NRXN1: variants seen among roughly 807,000 people sequenced by gnomAD.
NRXN1 encodes neurexin 1, also known as neurexin-1.
In NRXN1, 39 loss-of-function variants were observed where a neutral mutation model predicts 150.9. That is an observed-to-expected ratio of 0.26 (90% CI 0.20 to 0.34). The LOEUF (loss-of-function observed/expected upper bound fraction) is 0.34, where lower values mean the gene tolerates loss of function less well. Ranked by LOEUF, NRXN1 falls within the 10% of genes least tolerant of loss-of-function variation. NRXN1 has a pLI of 1.00. For missense variants in NRXN1, 1,815 were observed against 1,949.9 expected (o/e 0.93, Z 1.30); for synonymous variants, 924 against 757.0 (o/e 1.22, Z -3.62).
At chr2:50,666,633 G>A (rs1036094063) in intron 5 of NRXN1, among the ~76,000 whole-genome samples, 3 of 151,734 alleles carry the variant, frequency 2.0e-5, no homozygotes, top group Non-Finnish European at 4.4e-5. Context: ...TTGCTTCATG[G>A]GAATAAATGA....
Position 51,028,322 on chromosome 2 carries a change from A to G in NRXN1, c.-49T>C. Reference sequence around the variant, plus strand: ...GGGGTGCCGGGGCCGACAGGGTCAAAATGGTCCTGGACACCGTGACGAAGA... The same window carrying G: ...GGGGTGCCGGGGCCGACAGGGTCAAGATGGTCCTGGACACCGTGACGAAGA... On this transcript the variant is annotated 5_prime_UTR_variant, in exon 2 of 23. Transcript: ENST00000401669. The G allele has an allele frequency of 2.3e-6, 3 of 1,306,026 alleles. No individual in the cohort carries two copies. Among genetic ancestry groups the G allele is most frequent in the Non-Finnish European group, 3.0e-6 (3 of 987,946 alleles). 80.9% of individuals were successfully genotyped at this position (1,306,026 alleles called of 1,614,324 possible).
rs115694593 is a variant in NRXN1 at position 50,367,689 on chromosome 2, G to C, written c.3364+97753C>G. ...ACATGCAGAAATGGCCCTGCAAATGGAATCTAACTGGAGCTGAATGAGTAT... is the reference window on the plus strand; with the variant it reads ...ACATGCAGAAATGGCCCTGCAAATGCAATCTAACTGGAGCTGAATGAGTAT... On this transcript the variant is annotated intron_variant, in intron 17 of 22. Coordinates refer to ENST00000401669, the MANE Select transcript of NRXN1 (RefSeq NM_001330078.2). 3.7e-3 allele frequency among the ~76,000 whole-genome samples: 559 copies of C among 152,038 alleles called. 5 individuals carry two copies. The highest frequency in any genetic ancestry group is 0.013 in the African/African-American group (519 of 41,502).
intron 18 of NRXN1, among the ~76,000 whole-genome samples, chr2:50,121,523 A>G (rs1049284245): frequency 3.3e-5 from 5 of 152,212 alleles, no homozygotes; most frequent in South Asian, 4.1e-4. Context: ...TCCATTTTAT[A>G]TAAGGGACTT....
Position 50,851,783 on chromosome 2 carries a change from A to G in NRXN1, c.832+70086T>C, listed in dbSNP as rs181364884. Among the ~76,000 whole-genome samples, 555 of 152,310 alleles carry G rather than the reference A, an allele frequency of 3.6e-3. 2 individuals carry two copies. The highest frequency in any genetic ancestry group is 6.5e-3 in the Non-Finnish European group (439 of 68,026). On this transcript the variant is annotated intron_variant, in intron 5 of 22. Coordinates refer to ENST00000401669, the MANE Select transcript of NRXN1 (RefSeq NM_001330078.2). ...AAAAACATGGCTGCCCAAGGTTCTC[A>G]TCGGCTTTTCTGTCCCTTCATCAGG...
chr2:50,073,940 G>A (rs1433669809), intron 19 of NRXN1, among the ~76,000 whole-genome samples: 1 of 152,082 alleles, frequency 6.6e-6, no homozygotes, highest in Non-Finnish European at 1.5e-5. Context: ...TGCCAAAGGA[G>A]GTCAGTGCAA....
chr2:50,347,311 TG>T lies in NRXN1; in HGVS notation c.3365-110342del. Reference sequence around the variant, plus strand: ...TCGGGCGAGAGTGCGTGCCGGCGGGTGGGGGGCCGAGAAATTGTTTAAAGCT... The same window carrying T: ...TCGGGCGAGAGTGCGTGCCGGCGGGTGGGGGCCGAGAAATTGTTTAAAGCT... On this transcript the variant is annotated intron_variant, in intron 17 of 22. Transcript: ENST00000401669. This position sits in a 1 kb window ranked among gnomAD's most constrained non-coding sequence, Gnocchi z 4.9. The T allele has an allele frequency of 7.9e-7, 1 of 1,262,872 alleles. No homozygotes were observed. The highest frequency in any genetic ancestry group is 2.5e-5 in the Admixed American group (1 of 39,926). 78.2% of individuals were successfully genotyped at this position (1,262,872 alleles called of 1,614,324 possible).
At chr2:50,899,493 G>C (rs1408792161) in intron 5 of NRXN1, among the ~76,000 whole-genome samples, 1 of 152,118 alleles carries the variant, frequency 6.6e-6, no homozygotes, top group East Asian at 1.9e-4. Context: ...ATTAGTAGAT[G>C]TGGGCCCTGC....
intron 18 of NRXN1, among the ~76,000 whole-genome samples, chr2:50,164,659 C>T (rs1350734885): frequency 6.6e-6 from 1 of 152,088 alleles, no homozygotes; most frequent in African/African-American, 2.4e-5. Flanking sequence ...GGGGCCAGAT[C>T]CTCTTTCCAG....
chr2:50,872,326 C>T (rs1213147604), intron 5 of NRXN1, among the ~76,000 whole-genome samples: 1 of 151,666 alleles, frequency 6.6e-6, no homozygotes, highest in African/African-American at 2.4e-5. Context: ...TACACAAGGG[C>T]CCATCCATCA....
At chr2:50,259,458 C>T (rs1558394849) in intron 17 of NRXN1, among the ~76,000 whole-genome samples, 1 of 151,720 alleles carries the variant, frequency 6.6e-6, no homozygotes, top group Non-Finnish European at 1.5e-5. Context: ...GTAAGCATAC[C>T]ACATCATCTC....
intron 6 of NRXN1, among the ~76,000 whole-genome samples, chr2:50,621,964 C>T (rs992764143): frequency 1.3e-5 from 2 of 152,146 alleles, no homozygotes; most frequent in African/African-American, 4.8e-5. Flanking sequence ...AAAGGCAAAT[C>T]TAGAAAGTGG....
At chr2:50,556,581 T>G (rs936811467) in intron 8 of NRXN1, among the ~76,000 whole-genome samples, 6 of 152,024 alleles carry the variant, frequency 3.9e-5, no homozygotes, top group African/African-American at 1.4e-4. Context: ...TTCCCATTTC[T>G]TCAAATATTT....
At chr2:50,368,830 G>T (rs992238606) in intron 17 of NRXN1, among the ~76,000 whole-genome samples, 4 of 151,998 alleles carry the variant, frequency 2.6e-5, no homozygotes, top group Non-Finnish European at 4.4e-5. Flanking sequence ...TTTCCAGAAA[G>T]CAAACGAGTG....
intron 2 of NRXN1, among the ~76,000 whole-genome samples, chr2:50,948,517 C>T (rs1690774436): frequency 6.6e-6 from 1 of 152,030 alleles, no homozygotes; most frequent in African/African-American, 2.4e-5. Context: ...TTGCCAAAAT[C>T]GTTTGCTCCT....
intron 17 of NRXN1, among the ~76,000 whole-genome samples, chr2:50,262,211 T>G (rs2068358284): frequency 6.6e-6 from 1 of 151,946 alleles, no homozygotes; most frequent in South Asian, 2.1e-4. Flanking sequence ...AACAACACAG[T>G]AGAGGACATT....
At chr2:50,920,499 T>G (rs1685859363) in intron 5 of NRXN1, among the ~76,000 whole-genome samples, 1 of 151,778 alleles carries the variant, frequency 6.6e-6, no homozygotes. Flanking sequence ...CATGCATCCA[T>G]ACAAATACAC....
At chr2:50,314,550 T>C (rs964784920) in intron 17 of NRXN1, among the ~76,000 whole-genome samples, 6 of 152,024 alleles carry the variant, frequency 3.9e-5, no homozygotes, top group Non-Finnish European at 8.8e-5. Context: ...TATGGGTGCA[T>C]TGACATCAAT....
intron 5 of NRXN1, among the ~76,000 whole-genome samples, chr2:50,774,616 T>C (rs1703386900): frequency 6.6e-6 from 1 of 152,172 alleles, no homozygotes; most frequent in Non-Finnish European, 1.5e-5. Context: ...ATATAAATAA[T>C]CAATTGACTA....
Position 50,359,145 on chromosome 2 carries a change from G to A in NRXN1, c.3364+106297C>T, listed in dbSNP as rs184366317. Reference sequence around the variant, plus strand: ...CAAAGGTAGACAAATCCACAAAGATGAAGAAAAACCAGTGCAAAGAGGCTG... The same window carrying A: ...CAAAGGTAGACAAATCCACAAAGATAAAGAAAAACCAGTGCAAAGAGGCTG... On this transcript the variant is annotated intron_variant, in intron 17 of 22. Transcript: ENST00000401669. 1.4e-3 allele frequency among the ~76,000 whole-genome samples: 211 copies of A among 152,186 alleles called. 2 individuals are homozygous for A. Among genetic ancestry groups the A allele is most frequent in the East Asian group, 1.4e-3 (7 of 5,146 alleles).
Sources: gnomAD v4.1 joint callset for allele counts (sites outside exome capture counted in the v4.1 genomes callset) on GRCh38, gnomAD v4.1.1 for gene constraint, Gnocchi (gnomAD v3.1) non-coding constraint, MANE v1.5 for transcripts, NCBI Gene and HGNC (gene_info 2026-07-23, HGNC 2026-07-21) for gene names.